LRRTM4: variants seen among roughly 807,000 people sequenced by gnomAD.
LRRTM4 encodes the protein leucine-rich repeat transmembrane neuronal protein 4.
In LRRTM4, 25 loss-of-function variants were observed where a neutral mutation model predicts 47.6. The ratio of observed to expected loss-of-function variants is 0.53; its 90% CI spans 0.38 to 0.73. LRRTM4 has a LOEUF of 0.73. Ranked by LOEUF, LRRTM4 falls within the 30% of genes least tolerant of loss-of-function variation. The pLI is 0.00. For synonymous variants in LRRTM4, 311 were observed against 269.5 expected (o/e 1.15, Z -1.51); for missense variants, 638 against 713.4 (o/e 0.89, Z 1.20).
At chr2:76,858,255 A>G (rs985402696) in intron 3 of LRRTM4, among the ~76,000 whole-genome samples, 3 of 152,158 alleles carry the variant, frequency 2.0e-5, no homozygotes, top group Admixed American at 1.3e-4. Context: ...GCCTCATCCA[A>G]CCAGGTGAAC....
At chr2:77,413,250 TA>T (rs1429070457) in intron 3 of LRRTM4, among the ~76,000 whole-genome samples, 1 of 152,150 alleles carries the variant, frequency 6.6e-6, no homozygotes, top group Non-Finnish European at 1.5e-5. Flanking sequence ...TTGATAGACC[TA>T]AAAAGAACAT....
chr2:76,832,365 G>A (rs922177448), intron 3 of LRRTM4, among the ~76,000 whole-genome samples: 1 of 149,808 alleles, frequency 6.7e-6, no homozygotes, highest in Admixed American at 6.7e-5. Context: ...ATAAACATAA[G>A]TACTTCTCTG....
Position 77,296,851 on chromosome 2 carries a change from G to A in LRRTM4, c.1551+221467C>T, listed in dbSNP as rs190741428. Among the ~76,000 whole-genome samples the A allele has an allele frequency of 4.0e-3, 611 of 152,270 alleles. 4 individuals are homozygous for A. Among genetic ancestry groups the A allele is most frequent in the Middle Eastern group, 0.024 (7 of 294 alleles). On this transcript the variant is annotated intron_variant, in intron 3 of 3. Transcript: ENST00000409884. ...TGAGAATAAGCAGTACTTTGGTAAA[G>A]GAATTCCTGTCCACTTTTCTCGTTC...
At chr2:77,172,356 G>T (rs2103836899) in intron 3 of LRRTM4, among the ~76,000 whole-genome samples, 1 of 152,266 alleles carries the variant, frequency 6.6e-6, no homozygotes, top group Non-Finnish European at 1.5e-5. Flanking sequence ...CAGCACTTTG[G>T]GAGGCCGAGG....
chr2:76,923,579 A>T (rs1232290328), intron 3 of LRRTM4, among the ~76,000 whole-genome samples: 1 of 152,042 alleles, frequency 6.6e-6, no homozygotes, highest in Non-Finnish European at 1.5e-5. Flanking sequence ...CAATTTTAAC[A>T]ACTATCAACA....
intron 3 of LRRTM4, among the ~76,000 whole-genome samples, chr2:76,797,242 G>A (rs1675384889): frequency 6.6e-6 from 1 of 152,048 alleles, no homozygotes; most frequent in African/African-American, 2.4e-5. Context: ...TCAAAGGGAA[G>A]CCCATCAGAC....
At chr2:77,358,467 C>A (rs982179578) in intron 3 of LRRTM4, among the ~76,000 whole-genome samples, 4 of 152,154 alleles carry the variant, frequency 2.6e-5, no homozygotes, top group African/African-American at 7.2e-5. Flanking sequence ...CATAAGGAAT[C>A]CAGCCCAAAC....
chr2:77,096,747 T>C (rs1420657579), intron 3 of LRRTM4, among the ~76,000 whole-genome samples: 2 of 151,580 alleles, frequency 1.3e-5, no homozygotes, highest in Non-Finnish European at 3.0e-5. Context: ...CTTCTATTAT[T>C]GGGAAAAATG....
Position 77,132,400 on chromosome 2 carries a change from GAC to G in LRRTM4, c.1552-383486_1552-383485del, listed in dbSNP as rs533600622. Among the ~76,000 whole-genome samples, 60 of 152,240 alleles carry G rather than the reference GAC, an allele frequency of 3.9e-4. No homozygotes were observed. The South Asian group carries it at 0.012, about 32-fold the overall frequency. ...ATTTTTATCCATTCATCTATTGATGGACACTTAGGTTGGTTCCATATTTTTGC... is the reference window on the plus strand; with the variant it reads ...ATTTTTATCCATTCATCTATTGATGGACTTAGGTTGGTTCCATATTTTTGC... On this transcript the variant is annotated intron_variant, in intron 3 of 3. Transcript: ENST00000409884.
In LRRTM4 at chr2:77,049,706, A is replaced by T. The variant is rs563202843; in HGVS notation, c.1552-300790T>A. 6.6e-4 allele frequency among the ~76,000 whole-genome samples: 101 copies of T among 152,024 alleles called. 1 individual carries two copies. Among genetic ancestry groups the T allele is most frequent in the African/African-American group, 2.3e-3 (95 of 41,492 alleles). On this transcript the variant is annotated intron_variant, in intron 3 of 3. Transcript: ENST00000409884. ...TTAATATTAACCACTTGTATGATGA[A>T]TAGTATGCAAATAATTTCTCTCATT... is the stretch of plus-strand genomic sequence containing the variant.
At chr2:77,146,516 C>T (rs6711823) in intron 3 of LRRTM4, among the ~76,000 whole-genome samples, 13,822 of 152,126 alleles carry the variant, frequency 0.091, 2,028 homozygotes, top group African/African-American at 0.31. Flanking sequence ...AAAGGTCTTG[C>T]TTCAACTGAG....
intron 3 of LRRTM4, among the ~76,000 whole-genome samples, chr2:77,056,187 T>C (rs1679602093): frequency 6.6e-6 from 1 of 151,114 alleles, no homozygotes; most frequent in Non-Finnish European, 1.5e-5. Context: ...ACTTAAAGTA[T>C]AATAATAAAA....
intron 3 of LRRTM4, among the ~76,000 whole-genome samples, chr2:77,252,336 G>C (rs1265193647): frequency 6.6e-6 from 1 of 152,082 alleles, no homozygotes; most frequent in East Asian, 1.9e-4. Flanking sequence ...AGATTTGCTA[G>C]GCAAAGAGGT....
intron 3 of LRRTM4, among the ~76,000 whole-genome samples, chr2:77,265,240 C>T (rs1573166829): frequency 6.6e-6 from 1 of 152,054 alleles, no homozygotes; most frequent in Admixed American, 6.6e-5. Flanking sequence ...GGAATCAGTA[C>T]ACTAATATGT....
intron 3 of LRRTM4, among the ~76,000 whole-genome samples, chr2:77,047,580 T>C (rs149194464): frequency 2.6e-5 from 4 of 152,154 alleles, no homozygotes; most frequent in African/African-American, 9.6e-5. Context: ...CATCTTCACA[T>C]GATGTTCTCC....
chr2:77,449,825 A>G (rs1249648070), intron 3 of LRRTM4, among the ~76,000 whole-genome samples: 3 of 152,218 alleles, frequency 2.0e-5, no homozygotes, highest in African/African-American at 4.8e-5. Flanking sequence ...TTTGGATGCT[A>G]CTACTGACAA....
At chr2:77,092,829 T>C (rs1434012783) in intron 3 of LRRTM4, among the ~76,000 whole-genome samples, 1 of 142,312 alleles carries the variant, frequency 7.0e-6, no homozygotes. Context: ...TTCAGGCTCT[T>C]AGTATTCAGC....
chr2:77,030,354 A>C (rs1367809185), intron 3 of LRRTM4, among the ~76,000 whole-genome samples: 1 of 152,158 alleles, frequency 6.6e-6, no homozygotes, highest in Non-Finnish European at 1.5e-5. Context: ...GAATCGCTTG[A>C]ACTGGGAGGC....
intron 3 of LRRTM4, among the ~76,000 whole-genome samples, chr2:77,026,197 G>A (rs1205356788): frequency 6.6e-6 from 1 of 152,264 alleles, no homozygotes; most frequent in East Asian, 1.9e-4. Context: ...ATTTATTACA[G>A]TGAGGAAAAT....
Sources: gnomAD v4.1 joint callset for allele counts (sites outside exome capture counted in the v4.1 genomes callset) on GRCh38, gnomAD v4.1.1 for gene constraint, MANE v1.5 for transcripts, NCBI Gene and HGNC (gene_info 2026-07-23, HGNC 2026-07-21) for gene names.